The following CFAP161 variants were observed in gnomAD, a reference collection of about 807,000 sequenced individuals.
The protein encoded by CFAP161 is cilia- and flagella-associated protein 161.
CFAP161 carries 25 observed loss-of-function variants against 29.0 expected under a neutral mutation model. That is an observed-to-expected ratio of 0.86 (90% confidence interval 0.63 to 1.20). The LOEUF (loss-of-function observed/expected upper bound fraction) is 1.20. Ranked by LOEUF, CFAP161 falls within the 50% of genes most tolerant of loss-of-function variation. CFAP161 has a pLI of 0.00. For synonymous variants in CFAP161, 116 were observed against 137.4 expected (o/e 0.84, Z 1.09); for missense variants, 367 against 371.9 (o/e 0.99, Z 0.11).
intron 1 of CFAP161, among the ~76,000 whole-genome samples, chr15:81,124,686 A>G (rs181723351): frequency 6.6e-6 from 1 of 152,082 alleles, no homozygotes; most frequent in Admixed American, 6.5e-5. Context: ...TCAATTTCGG[A>G]ACTCATTATT....
At chr15:81,141,689 T>TA (rs1894911625) in intron 4 of CFAP161, among the ~76,000 whole-genome samples, 1 of 133,808 alleles carries the variant, frequency 7.5e-6, no homozygotes, top group African/African-American at 3.2e-5. Flanking sequence ...AGTATTTGCC[T>TA]TTTTTTTTTT....
At chr15:81,143,929 C>T (rs1375773225) in intron 5 of CFAP161, 109 bp downstream of exon 5, 3 of 1,225,338 alleles carry the variant, frequency 2.4e-6, no homozygotes, top group African/African-American at 1.5e-5. Flanking sequence ...GACTTTCTCT[C>T]TCTTTTCTGT....
intron 1 of CFAP161, among the ~76,000 whole-genome samples, chr15:81,115,050 C>T (rs1196901223): frequency 1.3e-5 from 2 of 152,200 alleles, no homozygotes; most frequent in Non-Finnish European, 2.9e-5. Flanking sequence ...CAAGGTGGGA[C>T]AGGCAGTTGT....
At chr15:81,146,545 A>C (rs1239199840) in intron 5 of CFAP161, among the ~76,000 whole-genome samples, 1 of 151,952 alleles carries the variant, frequency 6.6e-6, no homozygotes, top group Non-Finnish European at 1.5e-5. Context: ...GATATCTACA[A>C]TAATGTATTT....
In CFAP161 at chr15:81,126,650, G is replaced by C. The variant is rs576266625; in HGVS notation, c.-141-940G>C. Among the ~76,000 whole-genome samples the C allele has an allele frequency of 1.3e-4, 20 of 152,190 alleles. No individual in the cohort carries two copies. The East Asian group carries it at 1.5e-3, about 12-fold the overall frequency. On this transcript the variant is annotated intron_variant, in intron 1 of 4. Transcript: ENST00000560091. ...CAAGATTTTGACCTGTTTGATCTGA[G>C]AGCCTAATTTTTATAAATATTTATC...
intron 1 of CFAP161, among the ~76,000 whole-genome samples, chr15:81,134,607 C>G (rs1023450254): frequency 3.9e-5 from 6 of 152,136 alleles, no homozygotes; most frequent in African/African-American, 1.4e-4. Context: ...CTCCGAGCAC[C>G]CTGACTTTTC....
intron 5 of CFAP161, among the ~76,000 whole-genome samples, chr15:81,144,430 TA>T (rs1368341549): frequency 2.0e-5 from 3 of 152,076 alleles, no homozygotes; most frequent in Non-Finnish European, 2.9e-5. Context: ...CCCCTGTCTC[TA>T]CAAAAAATAC....
intron 5 of CFAP161, among the ~76,000 whole-genome samples, chr15:81,144,901 C>T (rs1227634422): frequency 1.3e-5 from 2 of 152,126 alleles, no homozygotes; most frequent in African/African-American, 4.8e-5. Context: ...TTCTCATTAT[C>T]ACTGTGCGAC....
Position 81,122,951 on chromosome 15 carries a change from A to T in CFAP161, c.-141-4639A>T, listed in dbSNP as rs138333759. On this transcript the variant is annotated intron_variant, in intron 1 of 4. Coordinates refer to the CFAP161 transcript ENST00000560091. ...ATGCTGGATATTAGACCTTTCTTGG[A>T]TTCATAGTTTGCAAAATTTTTTCCC... 4.3e-3 allele frequency among the ~76,000 whole-genome samples: 650 copies of T among 151,948 alleles called. 20 individuals are homozygous for T. The highest frequency in any genetic ancestry group is 0.038 in the Admixed American group (583 of 15,262).
Position 81,138,151 on chromosome 15 carries a change from G to A in CFAP161, c.477+16G>A. On this transcript the variant is annotated intron_variant, in intron 4 of 6. Transcript: ENST00000286732. ...CAACAAAATGGTGAGTTATCACTTT[G>A]CATATCTACTTTGGATCAGTCATTT... is the stretch of plus-strand genomic sequence containing the variant. The A allele has an allele frequency of 1.9e-6, 3 of 1,583,658 alleles. No homozygotes were observed. Among genetic ancestry groups the A allele is most frequent in the Non-Finnish European group, 2.6e-6 (3 of 1,152,408 alleles).
At chr15:81,146,049 T>G (rs1047912421) in intron 5 of CFAP161, among the ~76,000 whole-genome samples, 4 of 152,234 alleles carry the variant, frequency 2.6e-5, no homozygotes, top group Non-Finnish European at 5.9e-5. Flanking sequence ...GTGTTTGGTA[T>G]TTAGTGGCTT....
Position 81,136,496 on chromosome 15 carries a change from A to T in CFAP161, c.160-20A>T. ...GAGGAATTGCATGGTTTATGTAATA[A>T]ACTACTATCAAAATTGTAGATGCAA... On this transcript the variant is annotated intron_variant, in intron 2 of 6. Transcript: ENST00000286732. The T allele has an allele frequency of 1.2e-6, 2 of 1,608,630 alleles. No homozygotes were observed. Among genetic ancestry groups the T allele is most frequent in the Non-Finnish European group, 1.7e-6 (2 of 1,175,024 alleles).
At chr15:81,123,284 AT>A (rs1393605983) in intron 1 of CFAP161, among the ~76,000 whole-genome samples, 1 of 152,178 alleles carries the variant, frequency 6.6e-6, no homozygotes, top group Non-Finnish European at 1.5e-5. Context: ...TCCCAGCATT[AT>A]TTATTAAATG....
At chr15:81,134,221 A>T (rs1463806227), upstream of CFAP161, 2 of 1,331,652 alleles carry the variant, frequency 1.5e-6, no homozygotes, top group Admixed American at 2.1e-5. Context: ...CTTATTGGCC[A>T]GCAGGGTCCC....
chr15:81,136,595 C>G lies in CFAP161; in HGVS notation c.239C>G (p.Thr80Arg), dbSNP rs1894813499. 1.2e-6 allele frequency: 2 copies of G among 1,614,036 alleles called. No individual in the cohort carries two copies. The highest frequency in any genetic ancestry group is 1.7e-5 in the Admixed American group (1 of 60,004). The change falls in exon 3 of 7, where the codon ACA becomes AGA. Residue 80 changes from threonine (T) to arginine (R), a missense_variant. Thr to Arg is a moderately conservative substitution (Grantham distance 71, BLOSUM62 -1). Coordinates refer to ENST00000286732, the MANE Select transcript of CFAP161 (RefSeq NM_173528.4). ...CTTGTGAATCCTGATGATCCTGACA[C>G]AGAAGCTGATGTGTTTCTGCGTGGG... Reference protein sequence around the residue: ...VMLVNPDDPDTEADVFLRGDL... With the variant: ...VMLVNPDDPDREADVFLRGDL...
chr15:81,147,396 C>T (rs146364048), intron 5 of CFAP161, among the ~76,000 whole-genome samples: 131 of 152,180 alleles, frequency 8.6e-4, no homozygotes, highest in African/African-American at 2.7e-3. Flanking sequence ...TTTTGGTGGA[C>T]GCATCTTTGA....
chr15:81,132,887 T>C (rs1056177106), upstream of CFAP161, among the ~76,000 whole-genome samples: 45 of 152,260 alleles, frequency 3.0e-4, no homozygotes, highest in African/African-American at 1.1e-3. Context: ...TGAGTCTCAG[T>C]TTCTGAATTT....
At chr15:81,134,499 T>A in intron 1 of CFAP161, 101 bp downstream of exon 1, 1 of 1,197,090 alleles carries the variant, frequency 8.4e-7, no homozygotes, top group Middle Eastern at 2.0e-4. Context: ...CTCCTCTCTC[T>A]CCCAGCATAC....
At chr15:81,134,686 G>A (rs1454448584) in intron 1 of CFAP161, among the ~76,000 whole-genome samples, 1 of 152,018 alleles carries the variant, frequency 6.6e-6, no homozygotes, top group Admixed American at 6.5e-5. Context: ...TGTGTCTCCC[G>A]CTTAGTCTAG....
Sources: gnomAD v4.1 joint callset for allele counts (sites outside exome capture counted in the v4.1 genomes callset) on GRCh38, gnomAD v4.1.1 for gene constraint, MANE v1.5 for transcripts, NCBI Gene and HGNC (gene_info 2026-07-23, HGNC 2026-07-21) for gene names.